MGLL: variants seen among roughly 807,000 people sequenced by gnomAD.
MGLL encodes the protein monoglyceride lipase.
Under a neutral mutation model 29.1 loss-of-function variants are expected in MGLL, and 7 were observed. The ratio of observed to expected loss-of-function variants is 0.24; its 90% CI spans 0.14 to 0.45. MGLL has a LOEUF of 0.45. Among genes scored for constraint, MGLL ranks in the 20% least tolerant of loss-of-function variants. MGLL has a pLI of 0.99. For synonymous variants in MGLL, 148 were observed against 168.3 expected, an observed-to-expected ratio of 0.88 and a Z score of 0.93; for missense variants, 356 against 413.6, an observed-to-expected ratio of 0.86 and a Z score of 1.21.
chr3:127,698,112 C>T (rs1000937315), intron 6 of MGLL, among the ~76,000 whole-genome samples: 2 of 152,200 alleles, frequency 1.3e-5, no homozygotes, highest in African/African-American at 2.4e-5. Flanking sequence ...TCACGTAGGC[C>T]CTGTTTACAC....
At chr3:127,733,294 C>A (rs1008066288) in intron 3 of MGLL, among the ~76,000 whole-genome samples, 3 of 152,176 alleles carry the variant, frequency 2.0e-5, no homozygotes, top group African/African-American at 7.2e-5. Context: ...CATGAATAAT[C>A]CACCCCTTGT....
chr3:127,805,925 A>G (rs984567119), intron 2 of MGLL, among the ~76,000 whole-genome samples: 13 of 152,254 alleles, frequency 8.5e-5, no homozygotes, highest in Non-Finnish European at 1.9e-4. Flanking sequence ...ATAAATAAAA[A>G]GTGGTTACAA....
intron 2 of MGLL, among the ~76,000 whole-genome samples, chr3:127,819,842 C>T (rs1240811184): frequency 6.6e-6 from 1 of 152,126 alleles, no homozygotes; most frequent in East Asian, 1.9e-4. Flanking sequence ...CCTGAGCCCC[C>T]ACCCTAGGAC....
chr3:127,735,417 G>A (rs1426706157), intron 3 of MGLL, among the ~76,000 whole-genome samples: 2 of 152,202 alleles, frequency 1.3e-5, no homozygotes, highest in Non-Finnish European at 2.9e-5. Context: ...GTAGTGAAAA[G>A]CAAATAAACT....
At chr3:127,715,765 C>T (rs771671715) in intron 5 of MGLL, 1 of 456,556 alleles carries the variant, frequency 2.2e-6, no homozygotes, top group Admixed American at 2.3e-5. Flanking sequence ...TTGTCGAGGT[C>T]GACCAGATGA....
intron 7 of MGLL, among the ~76,000 whole-genome samples, chr3:127,693,341 G>A (rs2075283969): frequency 6.6e-6 from 1 of 152,152 alleles, no homozygotes; most frequent in Admixed American, 6.5e-5. Flanking sequence ...GCCACGGGGG[G>A]ATGCTTTTAA....
chr3:127,804,980 A>G (rs565085246), intron 2 of MGLL, among the ~76,000 whole-genome samples: 1 of 152,320 alleles, frequency 6.6e-6, no homozygotes, highest in East Asian at 1.9e-4. Flanking sequence ...TTCTATGGGA[A>G]CACAGGGACA....
At chr3:127,755,999 T>C (rs1055742130) in intron 3 of MGLL, among the ~76,000 whole-genome samples, 9 of 152,340 alleles carry the variant, frequency 5.9e-5, no homozygotes, top group Admixed American at 3.3e-4. Context: ...GACTAACTCC[T>C]GGTCATTGAG....
At chr3:127,730,445 C>T (rs777786445) in intron 3 of MGLL, among the ~76,000 whole-genome samples, 3 of 152,228 alleles carry the variant, frequency 2.0e-5, no homozygotes, top group Non-Finnish European at 2.9e-5. Flanking sequence ...CATACGCACA[C>T]GTTCCTGCCC....
chr3:127,695,106 G>A lies in MGLL; in HGVS notation c.685C>T (p.Arg229Trp), dbSNP rs374766358. Reference protein sequence around the residue: ...FGIQLLNAVSRVERALPKLTV... With the variant: ...FGIQLLNAVSWVERALPKLTV... ...AGCTTGGGGAGGGCGCGCTCCACCC[G>A]TGAGACGGCATTCAGCAGTTGGATG... The change falls in exon 7 of 8, where the codon CGG becomes TGG. Residue 229 changes from arginine (R) to tryptophan (W), a missense_variant. Arg to Trp is a moderately radical substitution (Grantham distance 101, BLOSUM62 -3). Transcript: ENST00000265052. 2.2e-5 allele frequency: 35 copies of A among 1,614,056 alleles called. No homozygotes were observed. Among genetic ancestry groups the A allele is most frequent in the Non-Finnish European group, 2.7e-5 (32 of 1,180,044 alleles).
At chr3:127,744,419 G>T (rs914921046) in intron 3 of MGLL, among the ~76,000 whole-genome samples, 1 of 152,180 alleles carries the variant, frequency 6.6e-6, no homozygotes, top group South Asian at 2.1e-4. Flanking sequence ...ACATTGCCAC[G>T]TGTCATGCCC....
At chr3:127,715,869 A>G (rs1224719264) in intron 5 of MGLL, 1 of 454,896 alleles carries the variant, frequency 2.2e-6, no homozygotes, top group East Asian at 7.0e-5. Context: ...AGGACGTGGA[A>G]TCCAAAACTT....
At chr3:127,721,515 T>G (rs947144736) in intron 4 of MGLL, among the ~76,000 whole-genome samples, 5 of 149,664 alleles carry the variant, frequency 3.3e-5, no homozygotes, top group African/African-American at 9.8e-5. Context: ...GGGTTTTTTT[T>G]TTTTTTTTTT....
rs183090940 is a variant in MGLL, at chr3:127,718,163, G to C, written c.510+2890C>G. Among the ~76,000 whole-genome samples the C allele has an allele frequency of 4.6e-5, 7 of 152,086 alleles. No individual in the cohort carries two copies. In the East Asian group the frequency reaches 1.4e-3, roughly 30 times the overall value. On this transcript the variant is annotated intron_variant, in intron 5 of 7. Coordinates refer to ENST00000265052, the MANE Select transcript of MGLL (RefSeq NM_007283.7). ...TGGCGTTCTCACATTGCAGGGGGTGGGGGCTGGCCGTCTTCCACAGGCCAG... is the reference window on the plus strand; with the variant it reads ...TGGCGTTCTCACATTGCAGGGGGTGCGGGCTGGCCGTCTTCCACAGGCCAG...
intron 2 of MGLL, among the ~76,000 whole-genome samples, chr3:127,806,755 G>A (rs1246758656): frequency 2.6e-5 from 4 of 152,164 alleles, no homozygotes; most frequent in South Asian, 2.1e-4. Flanking sequence ...GGCCAGGCGC[G>A]GTGGCTCACA....
intron 3 of MGLL, among the ~76,000 whole-genome samples, chr3:127,776,639 G>C (rs142637289): frequency 6.6e-6 from 1 of 152,158 alleles, no homozygotes; most frequent in South Asian, 2.1e-4. Flanking sequence ...TGGCACTTAC[G>C]GGCTCTCCAC....
intron 3 of MGLL, among the ~76,000 whole-genome samples, chr3:127,777,859 T>C (rs924677668): frequency 2.6e-5 from 4 of 152,236 alleles, no homozygotes; most frequent in African/African-American, 7.2e-5. Context: ...ATGAGAAAAG[T>C]GCCCAGTAGA....
intron 2 of MGLL, among the ~76,000 whole-genome samples, chr3:127,794,391 C>T (rs2077349076): frequency 6.6e-6 from 1 of 152,108 alleles, no homozygotes; most frequent in African/African-American, 2.4e-5. Context: ...GTAAGACTAT[C>T]CTCTATTATG....
chr3:127,753,834 C>G (rs958730644), intron 3 of MGLL, among the ~76,000 whole-genome samples: 4 of 152,204 alleles, frequency 2.6e-5, no homozygotes, highest in African/African-American at 9.7e-5. Context: ...GGAGCCTGGT[C>G]CAGAGCACAG....
Sources: gnomAD v4.1 joint callset for allele counts (sites outside exome capture counted in the v4.1 genomes callset) on GRCh38, gnomAD v4.1.1 for gene constraint, MANE v1.5 for transcripts, NCBI Gene and HGNC (gene_info 2026-07-23, HGNC 2026-07-21) for gene names.